Variants in PRKN observed in about 807,000 individuals in gnomAD.
PRKN encodes E3 ubiquitin-protein ligase parkin.
Under a neutral mutation model 59.5 loss-of-function variants are expected in PRKN, and 56 were observed. That is an observed-to-expected ratio of 0.94 (90% CI 0.76 to 1.18). The LOEUF is 1.18. Ranked by LOEUF, PRKN falls within the 50% of genes most tolerant of loss-of-function variation. PRKN has a pLI of 0.00. For missense variants in PRKN, 657 were observed against 596.4 expected (o/e 1.10, Z -1.06); for synonymous variants, 250 against 222.1 (o/e 1.13, Z -1.12).
chr6:161,419,282 C>T lies in PRKN; in HGVS notation c.1084-32405G>A, dbSNP rs73782874. 4.5e-3 allele frequency among the ~76,000 whole-genome samples: 685 copies of T among 152,242 alleles called. 4 individuals are homozygous for T. Among genetic ancestry groups the T allele is most frequent in the African/African-American group, 0.015 (626 of 41,516 alleles). On this transcript the variant is annotated intron_variant, in intron 9 of 11. Transcript: ENST00000366898. The surrounding 1 kb of genome is among the most constrained non-coding windows in gnomAD (Gnocchi z 4.1). ...TTTAAAGAGGACAGTGAGGTCCCTG[C>T]GCCACAGTGGTAGAAAGTGACCAAC...
chr6:161,756,528 AC>A (rs1423861860), intron 7 of PRKN, among the ~76,000 whole-genome samples: 1 of 149,984 alleles, frequency 6.7e-6, no homozygotes, highest in African/African-American at 2.4e-5. Context: ...TTTCTTTAGA[AC>A]TGTTTATCAC....
chr6:162,461,821 G>A (rs1292883614), intron 1 of PRKN, among the ~76,000 whole-genome samples: 3 of 144,390 alleles, frequency 2.1e-5, no homozygotes, highest in East Asian at 2.3e-4. Context: ...CTGAGACTTC[G>A]TCTAAAAAAA....
At chr6:162,060,662 G>A (rs1287734083) in intron 4 of PRKN, among the ~76,000 whole-genome samples, 1 of 152,140 alleles carries the variant, frequency 6.6e-6, no homozygotes, top group Non-Finnish European at 1.5e-5. Flanking sequence ...AGTCCAGACT[G>A]ACAAAACAAA....
chr6:161,765,249 T>C (rs559025051), intron 7 of PRKN, among the ~76,000 whole-genome samples: 10 of 152,198 alleles, frequency 6.6e-5, no homozygotes, highest in Non-Finnish European at 1.2e-4. Flanking sequence ...CAGTCCCTTA[T>C]TTAAATGGCA....
chr6:162,526,462 C>T (rs1031678557), intron 1 of PRKN, among the ~76,000 whole-genome samples: 13 of 151,604 alleles, frequency 8.6e-5, no homozygotes, highest in Non-Finnish European at 1.6e-4. Context: ...CCAGCCTGGC[C>T]AACATAGTAA....
In PRKN at chr6:161,842,364, T is replaced by A. The variant is rs57700075; in HGVS notation, c.735-56456A>T. 8.6e-3 allele frequency among the ~76,000 whole-genome samples: 1,295 copies of A among 151,322 alleles called. 25 individuals are homozygous for A. The highest frequency in any genetic ancestry group is 0.074 in the East Asian group (369 of 5,020). On this transcript the variant is annotated intron_variant, in intron 6 of 11. Coordinates refer to ENST00000366898, the MANE Select transcript of PRKN (RefSeq NM_004562.3). ...CTAGGCACCTGTAATCCCAGCTACT[T>A]GGGAGGCTGAGGCAGGAGGATCACT...
In PRKN at chr6:162,460,653, G is replaced by A. The variant is rs377700778; in HGVS notation, c.8-17180C>T. Among the ~76,000 whole-genome samples, 21 of 152,216 alleles carry A rather than the reference G, an allele frequency of 1.4e-4. No homozygotes were observed. The East Asian group carries it at 1.5e-3, about 11-fold the overall frequency. On this transcript the variant is annotated intron_variant, in intron 1 of 11. Transcript: ENST00000366898. ...GTGACTTAGTACTTTTGGGATAAGCGGATGAATGAATGTGCATTCACTTCA... is the reference window on the plus strand; with the variant it reads ...GTGACTTAGTACTTTTGGGATAAGCAGATGAATGAATGTGCATTCACTTCA...
At chr6:162,130,521 G>A (rs1016075503) in intron 4 of PRKN, among the ~76,000 whole-genome samples, 2 of 152,064 alleles carry the variant, frequency 1.3e-5, no homozygotes, top group African/African-American at 4.8e-5. Flanking sequence ...GGTCCATTTT[G>A]ATTGGCTGTA....
At chr6:162,280,796 CAAAAAAAAAA>C (rs35943173) in intron 2 of PRKN, among the ~76,000 whole-genome samples, 7 of 41,352 alleles carry the variant, frequency 1.7e-4, no homozygotes, top group Middle Eastern at 0.029. Flanking sequence ...GACTCCATCT[CAAAAAAAAAA>C]AAAAAAAAAA....
At chr6:162,678,343 G>C (rs1225626903) in intron 1 of PRKN, among the ~76,000 whole-genome samples, 1 of 152,114 alleles carries the variant, frequency 6.6e-6, no homozygotes, top group African/African-American at 2.4e-5. Context: ...TATGTCATAA[G>C]GCAGCTGTAT....
rs1466447553 is a variant in PRKN at position 161,446,184 on chromosome 6, C to T, written c.1084-59307G>A. Among the ~76,000 whole-genome samples, 1 of 152,142 alleles carries T rather than the reference C, an allele frequency of 6.6e-6. No individual in the cohort carries two copies. Among genetic ancestry groups the T allele is most frequent in the African/African-American group, 2.4e-5 (1 of 41,420 alleles). Reference sequence around the variant, plus strand: ...AGTAAGCTAGGATTGTATCACTGCACTCCAGCCTTGGCAACAGAGAGAGAT... The same window carrying T: ...AGTAAGCTAGGATTGTATCACTGCATTCCAGCCTTGGCAACAGAGAGAGAT... On this transcript the variant is annotated intron_variant, in intron 9 of 11. Coordinates refer to ENST00000366898, the MANE Select transcript of PRKN (RefSeq NM_004562.3). This position sits in a 1 kb window ranked among gnomAD's most constrained non-coding sequence, Gnocchi z 6.2.
chr6:162,602,151 G>C (rs111721397), intron 1 of PRKN, among the ~76,000 whole-genome samples: 5 of 152,302 alleles, frequency 3.3e-5, no homozygotes, highest in African/African-American at 1.2e-4. Flanking sequence ...GCACCTCCGC[G>C]TAGTCCCAAA....
chr6:162,293,530 A>C (rs1022354034), intron 2 of PRKN, among the ~76,000 whole-genome samples: 2 of 152,136 alleles, frequency 1.3e-5, no homozygotes, highest in Non-Finnish European at 2.9e-5. Flanking sequence ...TGAGTGGGAG[A>C]TCACCGCCCT....
At chr6:161,425,150 A>G (rs879746681) in intron 9 of PRKN, among the ~76,000 whole-genome samples, 7 of 152,118 alleles carry the variant, frequency 4.6e-5, no homozygotes, top group Admixed American at 3.3e-4. Context: ...ACTTTAACAT[A>G]GGAGGAAACT....
intron 2 of PRKN, among the ~76,000 whole-genome samples, chr6:162,406,104 T>C (rs1322967861): frequency 1.3e-5 from 2 of 152,226 alleles, no homozygotes; most frequent in Non-Finnish European, 2.9e-5. Context: ...TAATGACAGC[T>C]ACCATTTAGC....
chr6:161,918,067 G>T (rs1039765314), intron 6 of PRKN, among the ~76,000 whole-genome samples: 2 of 152,178 alleles, frequency 1.3e-5, no homozygotes, highest in East Asian at 1.9e-4. Flanking sequence ...CAACAACAAA[G>T]AATTCATTTC....
intron 1 of PRKN, among the ~76,000 whole-genome samples, chr6:162,637,147 C>T (rs948408170): frequency 6.6e-6 from 1 of 151,608 alleles, no homozygotes; most frequent in Non-Finnish European, 1.5e-5. Flanking sequence ...ATCCCAGCTA[C>T]TCGGGAGGCT....
chr6:161,992,003 A>G (rs1781666900), intron 5 of PRKN, among the ~76,000 whole-genome samples: 1 of 152,210 alleles, frequency 6.6e-6, no homozygotes, highest in South Asian at 2.1e-4. Flanking sequence ...TAGTAGCTAT[A>G]CTTACATCAG....
At position 161,550,723 on chromosome 6, in the gene PRKN, A is replaced by ATGTGTGTGTGTGCACGTGTG. The variant is rs1554275142; in HGVS notation, c.934-1740_934-1721dup. On this transcript the variant is annotated intron_variant, in intron 8 of 11. Coordinates refer to ENST00000366898, the MANE Select transcript of PRKN (RefSeq NM_004562.3). This position sits in a 1 kb window ranked among gnomAD's most constrained non-coding sequence, Gnocchi z 4.0. The stretch of plus-strand genomic sequence containing the variant: ...GGACAACTGTGGTAGAAGAAAGGGT[A>ATGTGTGTGTGTGCACGTGTG]TGTGTGTGTGTGCACGTGTGTGTGT... 8.4e-6 allele frequency among the ~76,000 whole-genome samples: 1 copy of ATGTGTGTGTGTGCACGTGTG among 119,350 alleles called. No homozygotes were observed. The highest frequency in any genetic ancestry group is 1.9e-5 in the Non-Finnish European group (1 of 53,638). 78.3% of individuals were successfully genotyped at this position (119,350 alleles called of 152,430 possible).
Sources: allele counts gnomAD v4.1 joint callset (sites outside exome capture counted in the v4.1 genomes callset), GRCh38; gene constraint gnomAD v4.1.1; non-coding constraint Gnocchi (gnomAD v3.1); transcripts MANE v1.5; gene names NCBI Gene and HGNC (gene_info 2026-07-23, HGNC 2026-07-21).